Variants in ADGRG1 observed in about 807,000 individuals in gnomAD.
The protein encoded by ADGRG1 is 7-transmembrane protein with no EGF-like N-terminal domains-1.
ADGRG1 carries 53 observed loss-of-function variants against 73.5 expected under a neutral mutation model. That is an observed-to-expected ratio of 0.72 (90% CI 0.58 to 0.91). ADGRG1 has a LOEUF of 0.91. ADGRG1 is among the 40% of genes least tolerant of loss of function. The pLI is 0.00. For synonymous variants in ADGRG1, 394 were observed against 374.4 expected, an observed-to-expected ratio of 1.05 and a Z score of -0.60; for missense variants, 795 against 871.8, an observed-to-expected ratio of 0.91 and a Z score of 1.11.
rs2039620720 is a variant in ADGRG1 at position 57,637,385 on chromosome 16, C to T, written c.-36+8583C>T. ...GGGACTATGGGTGGGGCTGGGGAAG[C>T]TGTGCCTCTGTTTCTCCGGGTTGCT... On this transcript the variant is annotated intron_variant, in intron 1 of 13. Transcript: ENST00000562631. The T allele has an allele frequency of 4.1e-6, 4 of 984,904 alleles. No homozygotes were observed. In the African/African-American group the frequency reaches 5.2e-5, roughly 13 times the overall value. The allele number at this position is 984,904 out of a possible 1,614,324, so 61.0% of individuals were successfully genotyped here.
chr16:57,628,983 AGT>A (rs539599223), intron 1 of ADGRG1, 181 bp downstream of exon 1: 13 of 479,990 alleles, frequency 2.7e-5, no homozygotes, highest in South Asian at 1.8e-4. Flanking sequence ...TGTGAGAGTG[AGT>A]GAGAATGTGA....
At chr16:57,624,423 C>T (rs1459454658), upstream of ADGRG1, among the ~76,000 whole-genome samples, 2 of 152,118 alleles carry the variant, frequency 1.3e-5, no homozygotes, top group East Asian at 1.9e-4. Context: ...ATCGTTTGAG[C>T]CCAGGAGATT....
intron 1 of ADGRG1, chr16:57,629,873 A>C (rs1431098745): frequency 3.9e-6 from 1 of 257,152 alleles, no homozygotes; most frequent in Admixed American, 6.5e-5. Context: ...TGCGTGGTAG[A>C]GTTGGGGTCT....
rs775517953 is a variant in ADGRG1, at chr16:57,655,924, G to A, written c.949G>A (p.Val317Ile). 4 of 1,614,002 alleles carry A rather than the reference G, an allele frequency of 2.5e-6. No homozygotes were observed. The highest frequency in any genetic ancestry group is 1.3e-5 in the African/African-American group (1 of 74,926). ...VLGEKVLGIV[V>I]QNTKVANLTE... ...GGGTGAGAAGGTCTTGGGGATTGTG[G>A]TACAGAACACCAAAGTAGCCAACCT... Residue 317 changes from valine (V) to isoleucine (I), a missense_variant, in exon 7 of 14, where the codon GTA becomes ATA. Coordinates refer to ENST00000562631, the MANE Select transcript of ADGRG1 (RefSeq NM_201525.4).
chr16:57,660,282 G>A, intron 11 of ADGRG1: 1 of 985,256 alleles, frequency 1.0e-6, no homozygotes, highest in Middle Eastern at 5.2e-4. Flanking sequence ...CCCCTTCTTT[G>A]TCCATTCCCC....
intron 5 of ADGRG1, chr16:57,655,082 C>T (rs1441368176): frequency 3.0e-6 from 3 of 985,024 alleles, no homozygotes. Context: ...ACCCACACTG[C>T]CCACATGGCC....
intron 1 of ADGRG1, chr16:57,633,609 G>C: frequency 1.6e-6 from 1 of 628,974 alleles, no homozygotes; most frequent in Non-Finnish European, 2.0e-6. Context: ...CCTGGGACAG[G>C]TATATTAACC....
At chr16:57,627,677 C>A, upstream of ADGRG1, 1 of 461,528 alleles carries the variant, frequency 2.2e-6, no homozygotes, top group Non-Finnish European at 2.8e-6. Context: ...ACCCTTCTGG[C>A]ATTGTAAAAG....
In ADGRG1 at chr16:57,650,327, C is replaced by A. The variant is rs2043723832; in HGVS notation, c.40C>A (p.Leu14Met). Residue 14 changes from leucine to methionine, a missense_variant, in exon 2 of 14, where the codon CTG becomes ATG. Transcript: ENST00000562631. ...GCTGCTGCAGACGACACTGTTCCTG[C>A]TGAGTCTGCTCTTCCTGGTCCAAGG... is the stretch of plus-strand genomic sequence containing the variant. ...QSLLQTTLFL[L>M]SLLFLVQGAH... The A allele has an allele frequency of 6.2e-7, 1 of 1,612,962 alleles. No individual in the cohort carries two copies. The highest frequency in any genetic ancestry group is 1.1e-5 in the South Asian group (1 of 91,064).
chr16:57,623,492 G>C (rs1036545740), upstream of ADGRG1, among the ~76,000 whole-genome samples: 2 of 152,182 alleles, frequency 1.3e-5, no homozygotes, highest in Non-Finnish European at 2.9e-5. Context: ...CTGTGTGCCC[G>C]GCCTTTCATT....
At chr16:57,647,712 C>A (rs2043032528) in intron 1 of ADGRG1, 10 of 825,466 alleles carry the variant, frequency 1.2e-5, no homozygotes, top group Non-Finnish European at 1.5e-5. Context: ...AAGCCTCAAG[C>A]ATGTTAATGG....
chr16:57,653,057 A>C, intron 3 of ADGRG1, 146 bp from the exon 4 acceptor site: 1 of 1,545,284 alleles, frequency 6.5e-7, no homozygotes, highest in Non-Finnish European at 8.7e-7. Flanking sequence ...GGCAGAGTCC[A>C]CTCTGCTTCT....
intron 1 of ADGRG1, chr16:57,637,400 T>C: frequency 1.0e-6 from 1 of 985,312 alleles, no homozygotes. Context: ...CCTCTGTTTC[T>C]CCGGGTTGCT....
rs2042248474 is a variant in ADGRG1, at chr16:57,645,077, A to T, written c.-35-5176A>T. ...CTCATGCACACGCACACACACCCAC[A>T]TGCCTGTGTAACTCGCAGGAGTTCA... On this transcript the variant is annotated intron_variant, in intron 1 of 13. Coordinates refer to ENST00000562631, the MANE Select transcript of ADGRG1 (RefSeq NM_201525.4). 11 of 985,334 alleles carry T rather than the reference A, an allele frequency of 1.1e-5. No individual in the cohort carries two copies. The South Asian group carries it at 1.9e-4, about 17-fold the overall frequency. 61.0% of individuals were successfully genotyped at this position (985,334 alleles called of 1,614,324 possible). A position where few individuals can be genotyped will look rare whatever the true frequency, so the allele number is the denominator to read the frequency against.
intron 1 of ADGRG1, among the ~76,000 whole-genome samples, chr16:57,638,659 A>G (rs2039963724): frequency 6.6e-6 from 1 of 152,226 alleles, no homozygotes; most frequent in African/African-American, 2.4e-5. Context: ...CAGTGGTGGG[A>G]TTAGAGGGTG....
In ADGRG1 at chr16:57,648,362, G is replaced by T. The variant is rs2043193256; in HGVS notation, c.-35-1891G>T. On this transcript the variant is annotated intron_variant, in intron 1 of 13. Coordinates refer to ENST00000562631, the MANE Select transcript of ADGRG1 (RefSeq NM_201525.4). ...TACAAATCACAACCTGGGAAATGGT[G>T]CCCTTCCCTAAAACACTTTCACATC... The T allele has an allele frequency of 7.9e-6, 5 of 628,980 alleles. No individual in the cohort carries two copies. In the South Asian group the frequency reaches 3.4e-4, roughly 43 times the overall value. The allele number at this position is 628,980 out of a possible 1,614,324, so 39.0% of individuals were successfully genotyped here. A position where few individuals can be genotyped will look rare whatever the true frequency, so the allele number is the denominator to read the frequency against.
intron 3 of ADGRG1, chr16:57,651,892 C>G: frequency 7.1e-7 from 1 of 1,405,790 alleles, no homozygotes; most frequent in Non-Finnish European, 9.3e-7. Flanking sequence ...AAGGGCCCGT[C>G]CTGAGGCTGC....
intron 1 of ADGRG1, among the ~76,000 whole-genome samples, chr16:57,640,466 G>A (rs757479787): frequency 3.9e-5 from 6 of 152,240 alleles, no homozygotes; most frequent in Non-Finnish European, 5.9e-5. Flanking sequence ...GCTTAAATGC[G>A]TGAACATGTG....
At chr16:57,628,193 C>T, upstream of ADGRG1, 1 of 985,084 alleles carries the variant, frequency 1.0e-6, no homozygotes, top group Non-Finnish European at 1.2e-6. Context: ...CCGTCGGCTG[C>T]CAAGGAGGCT....
Sources: allele counts gnomAD v4.1 joint callset (sites outside exome capture counted in the v4.1 genomes callset), GRCh38; gene constraint gnomAD v4.1.1; transcripts MANE v1.5; gene names NCBI Gene and HGNC (gene_info 2026-07-23, HGNC 2026-07-21).